Variants in MCF2L2 observed in about 807,000 individuals in gnomAD.
MCF2L2 encodes the protein probable guanine nucleotide exchange factor MCF2L2.
MCF2L2 carries 102 observed loss-of-function variants against 150.2 expected under a neutral mutation model. That is an observed-to-expected ratio of 0.68 (90% CI 0.58 to 0.80). The LOEUF (loss-of-function observed/expected upper bound fraction) is 0.80. Ranked by LOEUF, MCF2L2 falls within the 30% of genes least tolerant of loss-of-function variation. The probability of loss-of-function intolerance (pLI) is 0.00; values close to 1 mark genes in which losing one functional copy is unlikely to be tolerated. For missense variants in MCF2L2, 1,256 were observed against 1,372.8 expected (o/e 0.91, Z 1.34); for synonymous variants, 465 against 491.3 (o/e 0.95, Z 0.71).
intron 10 of MCF2L2, among the ~76,000 whole-genome samples, chr3:183,301,014 CAAAAAAAA>C (rs11388183): frequency 0.017 from 1,089 of 65,648 alleles, 25 homozygotes; most frequent in African/African-American, 0.044. Context: ...GACTCCATCT[CAAAAAAAA>C]AAAAAAAAAA....
rs762136253 is a variant in MCF2L2 at position 183,335,117 on chromosome 3, TA to T, written c.486+3682del. Among the ~76,000 whole-genome samples, 251 of 117,896 alleles carry T rather than the reference TA, an allele frequency of 2.1e-3. 1 individual carries two copies. Among genetic ancestry groups the T allele is most frequent in the Middle Eastern group, 0.017 (4 of 236 alleles). The allele number at this position is 117,896 out of a possible 152,430, so 77.3% of individuals were successfully genotyped here. On this transcript the variant is annotated intron_variant, in intron 5 of 29. Transcript: ENST00000328913. ...TGGGCAACAGAGAGAGACTCTGTCT[TA>T]AAAAAAAAAAAGAAAAAGAAAAAAG...
At position 183,299,790 on chromosome 3, in the gene MCF2L2, G is replaced by T. The variant is rs367747416; in HGVS notation, c.1305+215C>A. The stretch of plus-strand genomic sequence containing the variant: ...GAAATGGGCTTCAGTTAACTTTAAT[G>T]GGATGTGGTGGGATGGCCAGAGCAC... On this transcript the variant is annotated intron_variant, in intron 11 of 29. Coordinates refer to ENST00000328913, the MANE Select transcript of MCF2L2 (RefSeq NM_015078.4). 3 of 513,218 alleles carry T rather than the reference G, an allele frequency of 5.8e-6. No individual in the cohort carries two copies. In the African/African-American group the frequency reaches 6.0e-5, roughly 10 times the overall value. 31.8% of individuals were successfully genotyped at this position (513,218 alleles called of 1,614,324 possible). A position where few individuals can be genotyped will look rare whatever the true frequency, so the allele number is the denominator to read the frequency against.
At chr3:183,364,445 A>G (rs1047106784) in intron 3 of MCF2L2, among the ~76,000 whole-genome samples, 4 of 151,996 alleles carry the variant, frequency 2.6e-5, no homozygotes, top group African/African-American at 9.7e-5. Context: ...GCGTGAACCC[A>G]GGGGGCGGAG....
intron 22 of MCF2L2, among the ~76,000 whole-genome samples, chr3:183,213,174 T>C (rs913787686): frequency 1.8e-4 from 28 of 151,790 alleles, no homozygotes; most frequent in African/African-American, 5.1e-4. Context: ...TTTCATTCAA[T>C]CTTTACAAGT....
At chr3:183,314,716 G>C (rs1456345052) in intron 7 of MCF2L2, among the ~76,000 whole-genome samples, 1 of 150,952 alleles carries the variant, frequency 6.6e-6, no homozygotes, top group Non-Finnish European at 1.5e-5. Context: ...AAAGTTCACT[G>C]TACTGAAGAA....
intron 15 of MCF2L2, chr3:183,272,937 T>C: frequency 7.1e-7 from 1 of 1,407,690 alleles, no homozygotes; most frequent in Non-Finnish European, 9.3e-7. Context: ...GTCCTTTTAA[T>C]TTTTGCTTAG....
At chr3:183,208,153 A>G (rs1283821065) in intron 22 of MCF2L2, among the ~76,000 whole-genome samples, 1 of 152,188 alleles carries the variant, frequency 6.6e-6, no homozygotes, top group African/African-American at 2.4e-5. Flanking sequence ...CCTCTGTGCT[A>G]TGTTTGATAC....
At chr3:183,310,698 C>A in intron 9 of MCF2L2, 1 of 536,636 alleles carries the variant, frequency 1.9e-6, no homozygotes, top group Non-Finnish European at 3.3e-6. Flanking sequence ...ACTGAAATGC[C>A]ATGTACATCA....
chr3:183,240,411 G>A (rs916267108), intron 15 of MCF2L2, among the ~76,000 whole-genome samples: 43 of 152,282 alleles, frequency 2.8e-4, no homozygotes, highest in Admixed American at 2.0e-3. Flanking sequence ...TGTATTAGGG[G>A]TTTTACCATG....
chr3:183,241,815 G>T (rs1000930584), intron 15 of MCF2L2, among the ~76,000 whole-genome samples: 3 of 152,214 alleles, frequency 2.0e-5, no homozygotes, highest in Non-Finnish European at 4.4e-5. Context: ...TCAGAAGACA[G>T]GAAGATGTGG....
chr3:183,398,593 G>A (rs547384694), intron 1 of MCF2L2, among the ~76,000 whole-genome samples: 1 of 152,070 alleles, frequency 6.6e-6, no homozygotes, highest in Admixed American at 6.5e-5. Context: ...AGGAGGGACA[G>A]TCAGTGGAAA....
chr3:183,257,236 A>G (rs1267713947), intron 15 of MCF2L2, among the ~76,000 whole-genome samples: 1 of 152,230 alleles, frequency 6.6e-6, no homozygotes, highest in Non-Finnish European at 1.5e-5. Flanking sequence ...AGTCGAGCTC[A>G]TGTGACTAGT....
At chr3:183,188,304 C>T (rs562202115) in intron 27 of MCF2L2, among the ~76,000 whole-genome samples, 2 of 152,280 alleles carry the variant, frequency 1.3e-5, no homozygotes, top group East Asian at 1.9e-4. Context: ...CTAGTGGAAG[C>T]ATCTCCCTTG....
intron 1 of MCF2L2, among the ~76,000 whole-genome samples, chr3:183,393,179 G>C (rs1390794019): frequency 1.3e-5 from 2 of 150,014 alleles, no homozygotes; most frequent in Non-Finnish European, 3.0e-5. Flanking sequence ...ACAGATTAGG[G>C]AGAAACTTGT....
intron 3 of MCF2L2, among the ~76,000 whole-genome samples, chr3:183,361,036 G>GAA (rs1712143017): frequency 2.0e-5 from 2 of 102,214 alleles, no homozygotes; most frequent in African/African-American, 5.7e-5. Flanking sequence ...AAAAGAAAAG[G>GAA]AAGAAAGGAA....
chr3:183,330,102 G>A (rs61001174), intron 5 of MCF2L2, among the ~76,000 whole-genome samples: 18,776 of 151,092 alleles, frequency 0.12, 1,260 homozygotes, highest in African/African-American at 0.14. Context: ...AAAATCAGCC[G>A]GGCATGGTGG....
chr3:183,241,312 T>C (rs1327486394), intron 15 of MCF2L2, among the ~76,000 whole-genome samples: 2 of 152,180 alleles, frequency 1.3e-5, no homozygotes, highest in Non-Finnish European at 2.9e-5. Context: ...TGAAAGTGTA[T>C]GCTATTCTGT....
chr3:183,323,134 A>T, intron 6 of MCF2L2, 101 bp downstream of exon 6: 3 of 741,966 alleles, frequency 4.0e-6, no homozygotes, highest in Non-Finnish European at 6.8e-6. Flanking sequence ...AAGGTCAGGC[A>T]GTCACAGGGT....
intron 14 of MCF2L2, among the ~76,000 whole-genome samples, chr3:183,279,663 G>C (rs753739337): frequency 6.6e-6 from 1 of 152,080 alleles, no homozygotes; most frequent in Non-Finnish European, 1.5e-5. Flanking sequence ...CTCCCCTTAT[G>C]GTCATTTTAT....
Sources: allele counts gnomAD v4.1 joint callset (sites outside exome capture counted in the v4.1 genomes callset), GRCh38; gene constraint gnomAD v4.1.1; transcripts MANE v1.5; gene names NCBI Gene and HGNC (gene_info 2026-07-23, HGNC 2026-07-21).